Variants in CAMTA1 observed in about 807,000 individuals in gnomAD.
CAMTA1 encodes the protein calmodulin-binding transcription activator 1.
CAMTA1 carries 27 observed loss-of-function variants against 170.9 expected under a neutral mutation model. The ratio of observed to expected loss-of-function variants is 0.16; its 90% confidence interval spans 0.12 to 0.22. CAMTA1 has a LOEUF of 0.22. Ranked by LOEUF, CAMTA1 falls within the 10% of genes least tolerant of loss-of-function variation. The pLI, the probability that CAMTA1 is intolerant of heterozygous loss-of-function variation, is 1.00. For synonymous variants in CAMTA1, 833 were observed against 891.5 expected, an observed-to-expected ratio of 0.93 and a Z score of 1.17; for missense variants, 1,619 against 2,217.2, an observed-to-expected ratio of 0.73 and a Z score of 5.42.
chr1:6,965,461 T>TGG lies in CAMTA1; in HGVS notation c.235-125839_235-125838dup, dbSNP rs1691361987. ...AAAGGTAATGCATTTCAGCTGCCTG[T>TGG]GGGGGAAGGTAAATGTGGTTTATTA... On this transcript the variant is annotated intron_variant, in intron 3 of 22. Coordinates refer to ENST00000303635, the MANE Select transcript of CAMTA1 (RefSeq NM_015215.4). The surrounding 1 kb of genome is among the most constrained non-coding windows in gnomAD (Gnocchi z 4.1). 6.6e-6 allele frequency among the ~76,000 whole-genome samples: 1 copy of TGG among 151,904 alleles called. No homozygotes were observed. The highest frequency in any genetic ancestry group is 6.6e-5 in the Admixed American group (1 of 15,256).
intron 6 of CAMTA1, among the ~76,000 whole-genome samples, chr1:7,604,904 G>C (rs955772531): frequency 2.0e-5 from 3 of 152,184 alleles, no homozygotes; most frequent in African/African-American, 7.2e-5. Context: ...TAACAGTCAG[G>C]ACCCTCAGCT....
At chr1:7,003,155 C>T (rs1698488817) in intron 3 of CAMTA1, among the ~76,000 whole-genome samples, 1 of 152,212 alleles carries the variant, frequency 6.6e-6, no homozygotes, top group Non-Finnish European at 1.5e-5. Flanking sequence ...GTTGTGACAA[C>T]AAGAAATGTT....
intron 4 of CAMTA1, among the ~76,000 whole-genome samples, chr1:7,203,812 A>G (rs1205341233): frequency 6.8e-6 from 1 of 146,736 alleles, no homozygotes; most frequent in Non-Finnish European, 1.5e-5. Flanking sequence ...TTTTTGTTTC[A>G]TCAATTTTCT....
chr1:6,863,814 A>G (rs576057934), intron 3 of CAMTA1, among the ~76,000 whole-genome samples: 1 of 152,216 alleles, frequency 6.6e-6, no homozygotes, highest in African/African-American at 2.4e-5. Context: ...AGATTTCCTT[A>G]ATTTTCCCCT....
chr1:7,634,113 G>A lies in CAMTA1; in HGVS notation c.511-6287G>A, dbSNP rs1273105299. Among the ~76,000 whole-genome samples, 4 of 152,300 alleles carry A rather than the reference G, an allele frequency of 2.6e-5. No homozygotes were observed. Among genetic ancestry groups the A allele is most frequent in the Non-Finnish European group, 4.4e-5 (3 of 68,026 alleles). ...GAGCCGTCCGGAACAGCCCAACCAC[G>A]CCTGCTGCTGTTTGAAGGGTGGGTT... On this transcript the variant is annotated intron_variant, in intron 6 of 22. Coordinates refer to ENST00000303635, the MANE Select transcript of CAMTA1 (RefSeq NM_015215.4). This position sits in a 1 kb window ranked among gnomAD's most constrained non-coding sequence, Gnocchi z 6.2.
At chr1:6,825,889 A>T (rs1647045003) in intron 3 of CAMTA1, among the ~76,000 whole-genome samples, 1 of 152,182 alleles carries the variant, frequency 6.6e-6, no homozygotes, top group South Asian at 2.1e-4. Context: ...GAATATTTCA[A>T]TTTAAGGTAA....
chr1:7,327,020 A>T (rs1244237127), intron 5 of CAMTA1, among the ~76,000 whole-genome samples: 4 of 152,196 alleles, frequency 2.6e-5, no homozygotes, highest in African/African-American at 9.6e-5. Flanking sequence ...TCACATTCAA[A>T]GAGCCCTGAG....
At chr1:7,097,761 C>T (rs532551735) in intron 4 of CAMTA1, among the ~76,000 whole-genome samples, 10 of 152,298 alleles carry the variant, frequency 6.6e-5, no homozygotes, top group East Asian at 1.9e-4. Flanking sequence ...CGCAAAGAGC[C>T]ACACATTGTG....
intron 3 of CAMTA1, among the ~76,000 whole-genome samples, chr1:6,883,059 A>G (rs1234648843): frequency 6.6e-6 from 1 of 151,960 alleles, no homozygotes; most frequent in Admixed American, 6.6e-5. Context: ...ATGCCTGGCC[A>G]ATTTTTTTAT....
At chr1:7,231,346 T>TGAGA (rs1434391433) in intron 4 of CAMTA1, among the ~76,000 whole-genome samples, 6 of 114,270 alleles carry the variant, frequency 5.3e-5, no homozygotes, top group African/African-American at 2.0e-4. Context: ...TGTGTGTGTG[T>TGAGA]GTGTGAGAGA....
intron 22 of CAMTA1, 150 bp from the exon 23 acceptor site, chr1:7,766,309 A>C (rs183318398): frequency 6.4e-6 from 4 of 628,508 alleles, no homozygotes; most frequent in Non-Finnish European, 1.1e-5. Flanking sequence ...TTCCCCAACA[A>C]TTTCACAGGA....
chr1:7,751,842 T>C (rs1343083554), intron 20 of CAMTA1, among the ~76,000 whole-genome samples: 1 of 152,016 alleles, frequency 6.6e-6, no homozygotes, highest in East Asian at 1.9e-4. Flanking sequence ...ATTCTTGGAG[T>C]TATTTCTAAA....
At position 7,685,352 on chromosome 1, in the gene CAMTA1, G is replaced by A. The variant is rs940059540; in HGVS notation, c.2914+7619G>A. 1.3e-5 allele frequency among the ~76,000 whole-genome samples: 2 copies of A among 152,180 alleles called. No homozygotes were observed. The highest frequency in any genetic ancestry group is 2.9e-5 in the Non-Finnish European group (2 of 68,030). On this transcript the variant is annotated intron_variant, in intron 11 of 22. Coordinates refer to ENST00000303635, the MANE Select transcript of CAMTA1 (RefSeq NM_015215.4). This position sits in a 1 kb window ranked among gnomAD's most constrained non-coding sequence, Gnocchi z 5.7. ...TTGGAATGCTCAGGGACGGCCATGG[G>A]GCAGCAGGATAGGGCGGCCTCCCAC...
At chr1:7,340,968 A>G (rs2083786673) in intron 5 of CAMTA1, among the ~76,000 whole-genome samples, 1 of 152,222 alleles carries the variant, frequency 6.6e-6, no homozygotes, top group African/African-American at 2.4e-5. Context: ...CCTAGGCTGT[A>G]TATTTATGGA....
At position 7,732,730 on chromosome 1, in the gene CAMTA1, G is replaced by A. The variant is rs2096743311; in HGVS notation, c.3066+131G>A. Reference sequence around the variant, plus strand: ...GTATTCAGGCAGAAGGCCTGAGGGAGTACTTTACGGTACCTGTGCTTTTAA... The same window carrying A: ...GTATTCAGGCAGAAGGCCTGAGGGAATACTTTACGGTACCTGTGCTTTTAA... On this transcript the variant is annotated intron_variant, in intron 12 of 22. Coordinates refer to ENST00000303635, the MANE Select transcript of CAMTA1 (RefSeq NM_015215.4). This position sits in a 1 kb window ranked among gnomAD's most constrained non-coding sequence, Gnocchi z 4.1. 4 of 1,228,636 alleles carry A rather than the reference G, an allele frequency of 3.3e-6. No homozygotes were observed. In the East Asian group the frequency reaches 1.0e-4, roughly 32 times the overall value. The allele number at this position is 1,228,636 out of a possible 1,614,324, so 76.1% of individuals were successfully genotyped here.
chr1:7,163,780 G>C (rs998891996), intron 4 of CAMTA1, among the ~76,000 whole-genome samples: 2 of 152,176 alleles, frequency 1.3e-5, no homozygotes. Context: ...ATGGTCGAAG[G>C]ATTGGGGAGG....
chr1:7,146,556 C>T lies in CAMTA1; in HGVS notation c.302+55185C>T, dbSNP rs1157661956. 6.6e-6 allele frequency among the ~76,000 whole-genome samples: 1 copy of T among 152,036 alleles called. No individual in the cohort carries two copies. The highest frequency in any genetic ancestry group is 1.5e-5 in the Non-Finnish European group (1 of 67,986). On this transcript the variant is annotated intron_variant, in intron 4 of 22. Transcript: ENST00000303635. This position sits in a 1 kb window ranked among gnomAD's most constrained non-coding sequence, Gnocchi z 4.3. ...CAGGACACTCATCACCATGGCCTTC[C>T]TTGACCCCGGCCACGTCCTGCCGGC...
rs555718816 is a variant in CAMTA1 at position 7,098,489 on chromosome 1, G to A, written c.302+7118G>A. 2.7e-3 allele frequency among the ~76,000 whole-genome samples: 418 copies of A among 152,332 alleles called. 2 individuals are homozygous for A. The highest frequency in any genetic ancestry group is 3.1e-3 in the Non-Finnish European group (211 of 68,030). On this transcript the variant is annotated intron_variant, in intron 4 of 22. Transcript: ENST00000303635. ...GAGCCTCCTGCCCGAGGACTTCCTC[G>A]CAGGGTACCTGTCACGTAGTTTTCA... is the stretch of plus-strand genomic sequence containing the variant.
chr1:7,320,403 C>T (rs780994415), intron 5 of CAMTA1, among the ~76,000 whole-genome samples: 30 of 152,272 alleles, frequency 2.0e-4, no homozygotes, highest in Middle Eastern at 6.8e-3. Context: ...ATCAGTTGGC[C>T]ATATGCTATG....
Sources: gnomAD v4.1 joint callset for allele counts (sites outside exome capture counted in the v4.1 genomes callset) on GRCh38, gnomAD v4.1.1 for gene constraint, Gnocchi (gnomAD v3.1) non-coding constraint, MANE v1.5 for transcripts, NCBI Gene and HGNC (gene_info 2026-07-23, HGNC 2026-07-21) for gene names.